The following VPS13C variants were observed in gnomAD, a reference collection of about 807,000 sequenced individuals.
VPS13C encodes the protein intermembrane lipid transfer protein VPS13C.
VPS13C carries 358 observed loss-of-function variants against 456.8 expected under a neutral mutation model. The ratio of observed to expected loss-of-function variants is 0.78; its 90% confidence interval spans 0.72 to 0.86. VPS13C has a LOEUF of 0.86. Among genes scored for constraint, VPS13C ranks in the 40% least tolerant of loss-of-function variants. The pLI, the probability that VPS13C is intolerant of heterozygous loss-of-function variation, is 0.00. For synonymous variants in VPS13C, 1,578 were observed against 1,486.7 expected (o/e 1.06, Z -1.41); for missense variants, 4,818 against 4,385.4 (o/e 1.10, Z -2.79).
At chr15:61,879,339 T>C (rs1365474280) in intron 73 of VPS13C, 1 of 152,166 alleles carries the variant, frequency 6.6e-6, no homozygotes, top group Non-Finnish European at 1.5e-5. Flanking sequence ...TCTCATTTTG[T>C]CATTTCCTAG....
intron 21 of VPS13C, among the ~76,000 whole-genome samples, chr15:61,981,795 G>A (rs11071646): frequency 0.058 from 8,768 of 152,044 alleles, 480 homozygotes; most frequent in East Asian, 0.17. Context: ...CCCAGGAGGC[G>A]GAGCTTGCAG....
Position 61,973,502 on chromosome 15 carries a change from T to A in VPS13C, c.2569A>T (p.Thr857Ser). The change falls in exon 26 of 85, where the codon ACA becomes TCA. Residue 857 changes from threonine (T) to serine (S), a missense_variant. This residue lies in a region of VPS13C where 4,552 missense variants were observed against 4,130.6 expected (regional missense o/e 1.10). Transcript: ENST00000644861. ...VSSIPIISGG[T>S]KGLLGTSLLL... The stretch of plus-strand genomic sequence containing the variant: ...AGTGAAGTACCAAGTAGACCTTTTG[T>A]ACCACCTGAAATAATAGGAATTGAG... The A allele has an allele frequency of 6.2e-7, 1 of 1,612,762 alleles. No individual in the cohort carries two copies. The highest frequency in any genetic ancestry group is 8.5e-7 in the Non-Finnish European group (1 of 1,179,056).
In VPS13C at chr15:61,984,015, A is replaced by G. The variant is rs2045962853; in HGVS notation, c.1722-3T>C. ...AGTGTTCTAATTTCGCTTCTACCCTATAATCCAATGAAGAACAAGGAAAGA... is the reference window on the plus strand; with the variant it reads ...AGTGTTCTAATTTCGCTTCTACCCTGTAATCCAATGAAGAACAAGGAAAGA... On this transcript the variant is annotated splice_region_variant and splice_polypyrimidine_tract_variant and intron_variant, in intron 19 of 84. Transcript: ENST00000644861. 2 of 1,609,026 alleles carry G rather than the reference A, an allele frequency of 1.2e-6. No homozygotes were observed. Among genetic ancestry groups the G allele is most frequent in the Non-Finnish European group, 1.7e-6 (2 of 1,177,390 alleles).
intron 55 of VPS13C, 113 bp from the exon 56 acceptor site, chr15:61,920,760 AG>A: frequency 1.1e-6 from 1 of 948,406 alleles, no homozygotes; most frequent in Non-Finnish European, 1.4e-6. Flanking sequence ...GCTTCGCAAA[AG>A]TCTTATTTTC....
intron 66 of VPS13C, among the ~76,000 whole-genome samples, chr15:61,904,305 T>TAAA (rs35637854): frequency 1.4e-5 from 2 of 145,432 alleles, no homozygotes; most frequent in African/African-American, 5.1e-5. Flanking sequence ...TTGAATTCCT[T>TAAA]AAAAAAAAAA....
intron 21 of VPS13C, among the ~76,000 whole-genome samples, chr15:61,981,988 C>A (rs1009687218): frequency 6.6e-6 from 1 of 151,992 alleles, no homozygotes; most frequent in African/African-American, 2.4e-5. Context: ...CAATGGTAAA[C>A]AATCTTATTA....
chr15:61,990,747 G>T (rs2046199410), intron 18 of VPS13C, among the ~76,000 whole-genome samples: 1 of 152,102 alleles, frequency 6.6e-6, no homozygotes, highest in South Asian at 2.1e-4. Context: ...GGAGGCAGAG[G>T]TTGCAGTGAG....
At chr15:61,958,413 A>G (rs928910152) in intron 37 of VPS13C, among the ~76,000 whole-genome samples, 195 bp downstream of exon 37, 1 of 152,134 alleles carries the variant, frequency 6.6e-6, no homozygotes. Context: ...GTCCAAAACT[A>G]TAACTGACAA....
chr15:61,902,201 T>C (rs1008522744), intron 66 of VPS13C, among the ~76,000 whole-genome samples: 2 of 151,270 alleles, frequency 1.3e-5, no homozygotes. Context: ...GCATGGCACA[T>C]GTATACATAT....
intron 66 of VPS13C, among the ~76,000 whole-genome samples, chr15:61,895,142 T>C (rs558810755): frequency 1.6e-3 from 241 of 151,930 alleles, no homozygotes; most frequent in African/African-American, 5.4e-3. Context: ...AAGAAGGAAA[T>C]AAAAAATTTT....
intron 14 of VPS13C, among the ~76,000 whole-genome samples, chr15:62,007,857 A>G (rs1373537837): frequency 6.6e-6 from 1 of 152,158 alleles, no homozygotes; most frequent in Non-Finnish European, 1.5e-5. Context: ...CTGTAATCCC[A>G]GCACTTTGAG....
At chr15:61,873,212 TGCA>T in intron 78 of VPS13C, 31 bp downstream of exon 78, 1 of 1,611,212 alleles carries the variant, frequency 6.2e-7, no homozygotes, top group Admixed American at 1.7e-5. Flanking sequence ...TTTTTTAAGT[TGCA>T]GATTTCTTAA....
At chr15:61,941,156 C>T (rs553316410) in intron 46 of VPS13C, among the ~76,000 whole-genome samples, 3 of 152,314 alleles carry the variant, frequency 2.0e-5, no homozygotes, top group East Asian at 3.9e-4. Flanking sequence ...AGAAAGTAAT[C>T]TTATACTTAG....
At chr15:61,868,546 A>G (rs2140867000) in intron 81 of VPS13C, 113 bp downstream of exon 81, 1 of 818,874 alleles carries the variant, frequency 1.2e-6, no homozygotes, top group Non-Finnish European at 2.0e-6. Flanking sequence ...GAAACTATGT[A>G]TAATACTTAA....
intron 81 of VPS13C, chr15:61,865,658 GTATGTGTATA>G (rs758933202): frequency 1.7e-5 from 6 of 362,934 alleles, no homozygotes; most frequent in African/African-American, 2.2e-5. Flanking sequence ...GTATATATAT[GTATGTGTATA>G]TATGTGTATA....
Position 61,881,823 on chromosome 15 carries a change from A to C in VPS13C, c.9630T>G (p.Asp3210Glu). 6.3e-7 allele frequency: 1 copy of C among 1,583,622 alleles called. No individual in the cohort carries two copies. Among genetic ancestry groups the C allele is most frequent in the Non-Finnish European group, 8.5e-7 (1 of 1,172,562 alleles). ...LRARLYWLQVDNQLPGAMFPV... is the reference protein window; with the variant it reads ...LRARLYWLQVENQLPGAMFPV... Reference sequence around the variant, plus strand: ...GGAACATTGCACCTGGTAACTGATTATCAACCTGAAAGAAAAGAAAACGAA... The same window carrying C: ...GGAACATTGCACCTGGTAACTGATTCTCAACCTGAAAGAAAAGAAAACGAA... Residue 3210 changes from aspartate to glutamate, a missense_variant, in exon 70 of 85, where the codon GAT becomes GAG. Asp to Glu is a conservative substitution (Grantham distance 45). This residue lies in a region of VPS13C where 4,552 missense variants were observed against 4,130.6 expected (regional missense o/e 1.10). Coordinates refer to ENST00000644861, the MANE Select transcript of VPS13C (RefSeq NM_020821.3).
chr15:62,005,029 T>C (rs1003010749), intron 15 of VPS13C, among the ~76,000 whole-genome samples: 5 of 151,926 alleles, frequency 3.3e-5, no homozygotes, highest in African/African-American at 1.2e-4. Context: ...TGTAGATGTC[T>C]ATTAGGTCCG....
At chr15:61,856,199 A>C (rs1033008128) in intron 83 of VPS13C, 87 bp downstream of exon 83, 1 of 1,494,990 alleles carries the variant, frequency 6.7e-7, no homozygotes, top group African/African-American at 1.4e-5. Context: ...TAACGACACT[A>C]ATCCTTCAAA....
At chr15:61,857,171 C>T (rs964920166) in intron 82 of VPS13C, among the ~76,000 whole-genome samples, 1 of 152,058 alleles carries the variant, frequency 6.6e-6, no homozygotes, top group Non-Finnish European at 1.5e-5. Flanking sequence ...TTTAGGGTGC[C>T]AGAGAAACAA....
Sources: gnomAD v4.1 joint callset for allele counts (sites outside exome capture counted in the v4.1 genomes callset) on GRCh38, gnomAD v4.1.1 for gene constraint, gnomAD v4.1.1 regional missense constraint, MANE v1.5 for transcripts, NCBI Gene and HGNC (gene_info 2026-07-23, HGNC 2026-07-21) for gene names.